Variants in ANKRD44 observed in about 807,000 individuals in gnomAD.
The protein encoded by ANKRD44 is ankyrin repeat domain 44, also known as serine/threonine-protein phosphatase 6 regulatory ankyrin repeat subunit B.
Under a neutral mutation model 116.0 loss-of-function variants are expected in ANKRD44, and 35 were observed. That is an observed-to-expected ratio of 0.30 (90% CI 0.23 to 0.40). The LOEUF is 0.40. Ranked by LOEUF, ANKRD44 falls within the 10% of genes least tolerant of loss-of-function variation. ANKRD44 has a pLI of 1.00. For missense variants in ANKRD44, 1,014 were observed against 1,242.6 expected (o/e 0.82, Z 2.77); for synonymous variants, 435 against 461.8 (o/e 0.94, Z 0.74).
chr2:197,222,987 A>G (rs56063204), intron 1 of ANKRD44, among the ~76,000 whole-genome samples: 30,965 of 151,102 alleles, frequency 0.2, 3,324 homozygotes, highest in Middle Eastern at 0.31. Flanking sequence ...TACTTTTTGT[A>G]TTTTCAGTTG....
At chr2:197,161,717 C>T (rs2079969937) in intron 2 of ANKRD44, among the ~76,000 whole-genome samples, 1 of 152,080 alleles carries the variant, frequency 6.6e-6, no homozygotes, top group South Asian at 2.1e-4. Context: ...TCTTGCTTAC[C>T]ATATGTATTT....
intron 2 of ANKRD44, among the ~76,000 whole-genome samples, chr2:197,153,830 T>G (rs1411673795): frequency 3.3e-5 from 5 of 152,188 alleles, no homozygotes; most frequent in African/African-American, 1.2e-4. Context: ...TTTGCATGTG[T>G]GTGTTTGTGT....
intron 10 of ANKRD44, among the ~76,000 whole-genome samples, chr2:197,095,417 G>T (rs1248892720): frequency 6.6e-6 from 1 of 152,214 alleles, no homozygotes; most frequent in Non-Finnish European, 1.5e-5. Context: ...TTTGGCAGTA[G>T]CTTGAAGAAG....
intron 16 of ANKRD44, among the ~76,000 whole-genome samples, chr2:197,043,827 A>G (rs1299617458): frequency 6.6e-6 from 1 of 152,030 alleles, no homozygotes; most frequent in Non-Finnish European, 1.5e-5. Context: ...TGTATGGATT[A>G]GGTAGGGACA....
chr2:197,254,601 AC>A, intron 1 of ANKRD44, among the ~76,000 whole-genome samples: 1 of 16,814 alleles, frequency 5.9e-5, no homozygotes, highest in Non-Finnish European at 2.3e-4. Flanking sequence ...ACATGCATAC[AC>A]ACACACACAC....
At chr2:197,235,614 T>TA (rs5837532) in intron 1 of ANKRD44, among the ~76,000 whole-genome samples, 26,322 of 100,712 alleles carry the variant, frequency 0.26, 3,238 homozygotes, top group Middle Eastern at 0.39. Flanking sequence ...AGACTCTGTC[T>TA]AAAAAAAAAA....
At chr2:197,024,298 T>C (rs13015419) in intron 17 of ANKRD44, among the ~76,000 whole-genome samples, 126,265 of 152,204 alleles carry the variant, frequency 0.83, 53,599 homozygotes, top group East Asian at 0.97. Flanking sequence ...TTCTTCCTGG[T>C]GTCCTGCCCC....
chr2:197,224,629 T>A (rs1395764626), intron 1 of ANKRD44, among the ~76,000 whole-genome samples: 1 of 152,244 alleles, frequency 6.6e-6, no homozygotes, highest in Non-Finnish European at 1.5e-5. Context: ...ATTTTTGTTT[T>A]ATTCATTATG....
intron 3 of ANKRD44, among the ~76,000 whole-genome samples, chr2:197,141,575 C>G (rs1559097914): frequency 6.6e-6 from 1 of 152,172 alleles, no homozygotes; most frequent in African/African-American, 2.4e-5. Flanking sequence ...GTAACGACAC[C>G]AGCATTGTTC....
chr2:197,263,434 AAAC>A, intron 1 of ANKRD44: 1 of 568,492 alleles, frequency 1.8e-6, no homozygotes, highest in Admixed American at 2.7e-5. Flanking sequence ...CCCTTCTCTG[AAAC>A]AACAGCTCTT....
intron 21 of ANKRD44, among the ~76,000 whole-genome samples, chr2:196,980,526 C>T (rs1270455356): frequency 1.3e-5 from 2 of 152,114 alleles, no homozygotes; most frequent in African/African-American, 4.8e-5. Context: ...TAATTTTCAC[C>T]TAAACAGCAA....
intron 15 of ANKRD44, 102 bp from the exon 16 acceptor site, chr2:197,078,916 A>C: frequency 8.2e-7 from 1 of 1,218,266 alleles, no homozygotes; most frequent in Non-Finnish European, 1.1e-6. Context: ...GAAGTACTTT[A>C]TGAGTTTGTT....
intron 1 of ANKRD44, among the ~76,000 whole-genome samples, chr2:197,306,158 G>A (rs889876441): frequency 2.6e-5 from 4 of 151,968 alleles, no homozygotes; most frequent in Non-Finnish European, 4.4e-5. Context: ...TTCAGGGAAC[G>A]CTGTTCATCC....
chr2:196,998,213 A>C, intron 25 of ANKRD44, 124 bp downstream of exon 25: 1 of 705,542 alleles, frequency 1.4e-6, no homozygotes, highest in South Asian at 2.2e-5. Context: ...AGTTGACAAG[A>C]CCCTGGGAAA....
chr2:197,007,825 C>T lies in ANKRD44; in HGVS notation c.2111G>A (p.Cys704Tyr). The change falls in exon 20 of 28, where the codon TGC becomes TAC. Residue 704 changes from cysteine (C) to tyrosine (Y), a missense_variant. Physicochemically the swap from Cys to Tyr is radical, Grantham distance 194. Transcript: ENST00000282272. The part of the protein sequence containing the change: ...ANVDTVDILG[C>Y]TALHRGIMTG... The stretch of plus-strand genomic sequence containing the variant: ...ACATACCCCTCTGTGTAAAGCTGTG[C>T]ATCCTAGGATGTCAACAGTGTCTAC... 1 of 1,612,852 alleles carries T rather than the reference C, an allele frequency of 6.2e-7. No individual in the cohort carries two copies.
chr2:197,193,575 ATG>A (rs1177795361), intron 1 of ANKRD44, among the ~76,000 whole-genome samples: 2 of 152,084 alleles, frequency 1.3e-5, no homozygotes, highest in African/African-American at 2.4e-5. Flanking sequence ...CATTTTATAG[ATG>A]TGTTTAAAAA....
intron 1 of ANKRD44, among the ~76,000 whole-genome samples, chr2:197,267,234 T>G (rs2082765228): frequency 6.6e-6 from 1 of 152,250 alleles, no homozygotes; most frequent in Non-Finnish European, 1.5e-5. Context: ...ATGCACATTC[T>G]GTATTTCAAG....
chr2:197,236,893 T>G (rs2081990607), intron 1 of ANKRD44, among the ~76,000 whole-genome samples: 1 of 152,044 alleles, frequency 6.6e-6, no homozygotes, highest in African/African-American at 2.4e-5. Context: ...CCCACAGAAG[T>G]GGCAAAGGCA....
At chr2:197,095,746 G>C (rs1305281170) in intron 10 of ANKRD44, among the ~76,000 whole-genome samples, 3 of 152,130 alleles carry the variant, frequency 2.0e-5, no homozygotes, top group Non-Finnish European at 4.4e-5. Context: ...TCACCTGCAA[G>C]ATGGGAATAA....
Sources: allele counts gnomAD v4.1 joint callset (sites outside exome capture counted in the v4.1 genomes callset), GRCh38; gene constraint gnomAD v4.1.1; transcripts MANE v1.5; gene names NCBI Gene and HGNC (gene_info 2026-07-23, HGNC 2026-07-21).